RBFOX3: variants seen among roughly 807,000 people sequenced by gnomAD.
The protein encoded by RBFOX3 is RNA binding fox-1 homolog 3, also known as RNA binding protein fox-1 homolog 3.
Under a neutral mutation model 48.7 loss-of-function variants are expected in RBFOX3, and 17 were observed. That is an observed-to-expected ratio of 0.35 (90% CI 0.24 to 0.52). The LOEUF (loss-of-function observed/expected upper bound fraction) is 0.52. Ranked by LOEUF, RBFOX3 falls within the 20% of genes least tolerant of loss-of-function variation. The pLI is 0.94. For synonymous variants in RBFOX3, 212 were observed against 209.5 expected, an observed-to-expected ratio of 1.01 and a Z score of -0.10; for missense variants, 382 against 497.5, an observed-to-expected ratio of 0.77 and a Z score of 2.21.
At chr17:79,329,100 C>T (rs528714536) in intron 2 of RBFOX3, among the ~76,000 whole-genome samples, 1 of 152,296 alleles carries the variant, frequency 6.6e-6, no homozygotes, top group African/African-American at 2.4e-5. Flanking sequence ...ACCCCACCCA[C>T]TAAATCCCAG....
At chr17:79,583,024 T>C (rs2093129111) in intron 1 of RBFOX3, among the ~76,000 whole-genome samples, 1 of 152,098 alleles carries the variant, frequency 6.6e-6, no homozygotes. Context: ...TTGAGGGCAC[T>C]GCAGGGGACA....
At chr17:79,625,320 CA>C in the RBFOX3 span, among the ~76,000 whole-genome samples, 7 of 152,206 alleles carry the variant, frequency 4.6e-5, no homozygotes, top group Non-Finnish European at 4.4e-5. Context: ...GAGATGCGGC[CA>C]TGCCCTTGCC....
At chr17:79,592,432 CGTGCATATGTGTGTGGACAGGT>C (rs2093449164) in intron 1 of RBFOX3, among the ~76,000 whole-genome samples, 1 of 150,264 alleles carries the variant, frequency 6.7e-6, no homozygotes, top group Non-Finnish European at 1.5e-5. Flanking sequence ...ATGTGTGGTG[CGTGCATATGTGTGTGGACAGGT>C]GTGCATGTGT....
At chr17:79,653,883 C>CAAAA in the RBFOX3 span, among the ~76,000 whole-genome samples, 11 of 66,552 alleles carry the variant, frequency 1.7e-4, no homozygotes, top group African/African-American at 4.9e-4. Context: ...TCTCTACCAC[C>CAAAA]AAAAAAAAAA....
At chr17:79,142,852 G>GA (rs1371797294) in intron 4 of RBFOX3, among the ~76,000 whole-genome samples, 1 of 152,174 alleles carries the variant, frequency 6.6e-6, no homozygotes, top group East Asian at 1.9e-4. Flanking sequence ...CATGTTCAAG[G>GA]ATGGGGGGAG....
chr17:79,309,365 C>T (rs1044749749), intron 2 of RBFOX3, among the ~76,000 whole-genome samples: 2 of 152,100 alleles, frequency 1.3e-5, no homozygotes. Flanking sequence ...GGCTCTGGCC[C>T]CGTGGGCACT....
At chr17:79,148,518 C>T (rs2043562765) in intron 4 of RBFOX3, among the ~76,000 whole-genome samples, 1 of 152,216 alleles carries the variant, frequency 6.6e-6, no homozygotes, top group Admixed American at 6.5e-5. Context: ...ACCATGGTTC[C>T]AATCCTGCCT....
At chr17:79,094,646 C>A in intron 13 of RBFOX3, 117 bp from the exon 14 acceptor site, 1 of 621,448 alleles carries the variant, frequency 1.6e-6, no homozygotes, top group Non-Finnish European at 2.5e-6. Context: ...TACCGAGGTC[C>A]CATCTGCAAG....
intron 3 of RBFOX3, among the ~76,000 whole-genome samples, chr17:79,240,730 C>T (rs1253539055): frequency 6.6e-6 from 1 of 152,206 alleles, no homozygotes; most frequent in Non-Finnish European, 1.5e-5. Flanking sequence ...GTGGCACAAT[C>T]TCAGCTCACT....
chr17:79,584,004 G>A (rs2093160609), intron 1 of RBFOX3, among the ~76,000 whole-genome samples: 2 of 152,324 alleles, frequency 1.3e-5, no homozygotes, highest in African/African-American at 4.8e-5. Context: ...TGAGTTGGGA[G>A]TGGTGCTGTC....
intron 9 of RBFOX3, chr17:79,100,150 C>T (rs967633277): frequency 2.6e-5 from 4 of 152,260 alleles, no homozygotes; most frequent in Non-Finnish European, 5.9e-5. Flanking sequence ...AGAGATGGGT[C>T]TGTTCTGATT....
chr17:79,273,863 C>A (rs1317538774), intron 3 of RBFOX3, among the ~76,000 whole-genome samples: 3 of 152,188 alleles, frequency 2.0e-5, no homozygotes, highest in South Asian at 2.1e-4. Flanking sequence ...GAAGGAGGAA[C>A]CTTCTGCCAA....
intron 2 of RBFOX3, among the ~76,000 whole-genome samples, chr17:79,334,825 C>T (rs1241780614): frequency 2.6e-5 from 4 of 152,354 alleles, no homozygotes; most frequent in Middle Eastern, 3.4e-3. Context: ...AAAACCACAT[C>T]GAGCTGTGCC....
chr17:79,110,225 G>T (rs2030535660), intron 5 of RBFOX3, among the ~76,000 whole-genome samples: 1 of 151,964 alleles, frequency 6.6e-6, no homozygotes. Flanking sequence ...TGGGCTGGGG[G>T]TCCTGCTTCT....
intron 1 of RBFOX3, among the ~76,000 whole-genome samples, chr17:79,588,667 T>C (rs1005643309): frequency 1.1e-4 from 16 of 152,186 alleles, no homozygotes; most frequent in Non-Finnish European, 2.2e-4. Context: ...TGTCCTGAGC[T>C]TGGACCTGGG....
At chr17:79,591,023 C>G (rs1321270123) in intron 1 of RBFOX3, among the ~76,000 whole-genome samples, 1 of 152,222 alleles carries the variant, frequency 6.6e-6, no homozygotes, top group Non-Finnish European at 1.5e-5. Flanking sequence ...CTCGGAGGGA[C>G]GAGAAGTTCC....
intron 2 of RBFOX3, among the ~76,000 whole-genome samples, chr17:79,450,469 G>A (rs566113277): frequency 1.3e-3 from 196 of 151,862 alleles, no homozygotes; most frequent in Middle Eastern, 3.5e-3. Context: ...GGGGACTCCA[G>A]GAAAACGAAT....
chr17:79,506,875 G>A (rs1485760712), intron 1 of RBFOX3, among the ~76,000 whole-genome samples: 5 of 152,328 alleles, frequency 3.3e-5, no homozygotes, highest in African/African-American at 4.8e-5. Flanking sequence ...GTGCCCCCAC[G>A]ATCCAGAGGA....
At chr17:79,555,523 ATGGTAGTTGTGG>A (rs2091629727) in intron 1 of RBFOX3, among the ~76,000 whole-genome samples, 1 of 10,352 alleles carries the variant, frequency 9.7e-5, no homozygotes, top group Non-Finnish European at 1.8e-4. Context: ...GGTGGTGGTG[ATGGTAGTTGTGG>A]TGGTGGTGAT....
Sources: allele counts gnomAD v4.1 joint callset (sites outside exome capture counted in the v4.1 genomes callset), GRCh38; gene constraint gnomAD v4.1.1; transcripts MANE v1.5; gene names NCBI Gene and HGNC (gene_info 2026-07-23, HGNC 2026-07-21).